SLC35F1: variants seen among roughly 807,000 people sequenced by gnomAD.
The protein encoded by SLC35F1 is solute carrier family 35 member F1.
In SLC35F1, 14 loss-of-function variants were observed where a neutral mutation model predicts 48.7. The ratio of observed to expected loss-of-function variants is 0.29; its 90% confidence interval spans 0.19 to 0.45. The LOEUF is 0.45. Among genes scored for constraint, SLC35F1 ranks in the 20% least tolerant of loss-of-function variants. SLC35F1 has a pLI of 1.00. For missense variants in SLC35F1, 404 were observed against 500.0 expected, an observed-to-expected ratio of 0.81 and a Z score of 1.83; for synonymous variants, 190 against 202.2, an observed-to-expected ratio of 0.94 and a Z score of 0.51.
intron 1 of SLC35F1, among the ~76,000 whole-genome samples, chr6:118,031,858 C>T (rs2114893653): frequency 6.6e-6 from 1 of 152,204 alleles, no homozygotes; most frequent in South Asian, 2.1e-4. Context: ...GGTGGTAACT[C>T]CCAGGTGTTG....
At chr6:118,006,680 C>A (rs1777178227) in intron 1 of SLC35F1, among the ~76,000 whole-genome samples, 3 of 152,000 alleles carry the variant, frequency 2.0e-5, no homozygotes, top group Admixed American at 1.3e-4. Context: ...GCTTTTAGAT[C>A]TTTCTATTCT....
At chr6:117,936,175 G>C (rs1776160179) in intron 1 of SLC35F1, among the ~76,000 whole-genome samples, 1 of 152,152 alleles carries the variant, frequency 6.6e-6, no homozygotes, top group Admixed American at 6.5e-5. Context: ...GGTGAGAGTT[G>C]GGATGTGCTG....
At chr6:118,067,199 T>TA (rs2114286880) in intron 1 of SLC35F1, among the ~76,000 whole-genome samples, 1 of 152,254 alleles carries the variant, frequency 6.6e-6, no homozygotes, top group Non-Finnish European at 1.5e-5. Context: ...GATAAGGTCA[T>TA]AAAATGAGAA....
At chr6:118,232,208 A>T (rs1185461707) in intron 2 of SLC35F1, among the ~76,000 whole-genome samples, 3 of 152,186 alleles carry the variant, frequency 2.0e-5, no homozygotes, top group Non-Finnish European at 4.4e-5. Context: ...TGTGTAATAG[A>T]GTGAAGAAAG....
chr6:118,201,858 CAT>C (rs1215602407), intron 2 of SLC35F1, among the ~76,000 whole-genome samples: 1 of 152,154 alleles, frequency 6.6e-6, no homozygotes, highest in African/African-American at 2.4e-5. Flanking sequence ...GAAATGAAAT[CAT>C]ATAATATGTG....
intron 1 of SLC35F1, among the ~76,000 whole-genome samples, chr6:118,071,977 G>A (rs1053423589): frequency 2.0e-5 from 3 of 151,920 alleles, no homozygotes; most frequent in Non-Finnish European, 2.9e-5. Context: ...CTTTAGCTCC[G>A]GAATATTTTT....
At chr6:117,939,413 A>C (rs1290362425) in intron 1 of SLC35F1, among the ~76,000 whole-genome samples, 1 of 152,192 alleles carries the variant, frequency 6.6e-6, no homozygotes, top group Non-Finnish European at 1.5e-5. Context: ...TTTTGCATTT[A>C]TTTATTTTCC....
At chr6:118,281,576 G>T (rs1216971637) in intron 6 of SLC35F1, among the ~76,000 whole-genome samples, 17 of 152,070 alleles carry the variant, frequency 1.1e-4, no homozygotes, top group Non-Finnish European at 2.4e-4. Flanking sequence ...CTCTGTTTGG[G>T]GTCAGATCTC....
intron 1 of SLC35F1, among the ~76,000 whole-genome samples, chr6:117,984,906 T>C (rs1479887704): frequency 6.6e-6 from 1 of 152,208 alleles, no homozygotes; most frequent in Non-Finnish European, 1.5e-5. Context: ...TAGTCCTTCA[T>C]CCTACACTAA....
chr6:118,071,225 T>C (rs1196707061), intron 1 of SLC35F1, among the ~76,000 whole-genome samples: 1 of 149,402 alleles, frequency 6.7e-6, no homozygotes, highest in Non-Finnish European at 1.5e-5. Flanking sequence ...TATGTGTATA[T>C]ATTTTTGAAA....
intron 1 of SLC35F1, among the ~76,000 whole-genome samples, chr6:117,997,599 A>G (rs925393689): frequency 7.9e-5 from 12 of 152,340 alleles, no homozygotes; most frequent in African/African-American, 2.6e-4. Context: ...TACAAGCCGG[A>G]AGAGAGTGGG....
Position 118,314,324 on chromosome 6 carries a change from T to TAG in SLC35F1, c.*76_*77dup. 4.5e-6 allele frequency: 6 copies of TAG among 1,336,354 alleles called. No individual in the cohort carries two copies. Among genetic ancestry groups the TAG allele is most frequent in the Non-Finnish European group, 5.3e-6 (5 of 942,212 alleles). 82.8% of individuals were successfully genotyped at this position (1,336,354 alleles called of 1,614,324 possible). ...TTGCCCATCATCTCTGTATTGTACA[T>TAG]AGAGAAAGGTATTTACTAGGTGCAG... On this transcript the variant is annotated 3_prime_UTR_variant, in exon 8 of 8. Transcript: ENST00000360388.
intron 2 of SLC35F1, among the ~76,000 whole-genome samples, chr6:118,191,443 T>C (rs1774732405): frequency 6.6e-6 from 1 of 152,200 alleles, no homozygotes; most frequent in African/African-American, 2.4e-5. Context: ...ATCTGTGATC[T>C]TGGGAAAAGC....
chr6:118,198,288 C>T (rs1317117373), intron 2 of SLC35F1, among the ~76,000 whole-genome samples: 1 of 152,170 alleles, frequency 6.6e-6, no homozygotes, highest in Non-Finnish European at 1.5e-5. Context: ...CTCTTTAATA[C>T]TGCTTACTTC....
intron 1 of SLC35F1, among the ~76,000 whole-genome samples, chr6:117,937,278 C>T (rs780615388): frequency 2.0e-5 from 3 of 152,162 alleles, no homozygotes; most frequent in Non-Finnish European, 2.9e-5. Flanking sequence ...TGTACTCATA[C>T]ACATAAGAAT....
chr6:117,988,152 G>A (rs955848244), intron 1 of SLC35F1, among the ~76,000 whole-genome samples: 1 of 152,088 alleles, frequency 6.6e-6, no homozygotes, highest in Non-Finnish European at 1.5e-5. Context: ...ACTGAGTTTC[G>A]AGCCCCAGCA....
intron 2 of SLC35F1, among the ~76,000 whole-genome samples, chr6:118,188,975 A>G (rs1445568857): frequency 1.3e-5 from 2 of 152,126 alleles, no homozygotes. Context: ...GCAGTGGTGC[A>G]GTCATGGCTG....
At chr6:117,993,674 A>G (rs1776949226) in intron 1 of SLC35F1, among the ~76,000 whole-genome samples, 1 of 152,068 alleles carries the variant, frequency 6.6e-6, no homozygotes, top group South Asian at 2.1e-4. Context: ...GCCTGAAGAA[A>G]ACTCTAGAAA....
At chr6:118,191,667 G>T (rs1041024245) in intron 2 of SLC35F1, among the ~76,000 whole-genome samples, 1 of 152,074 alleles carries the variant, frequency 6.6e-6, no homozygotes, top group Non-Finnish European at 1.5e-5. Flanking sequence ...ATTGTAAAGG[G>T]GTTGAATGTC....
Sources: gnomAD v4.1 joint callset for allele counts (sites outside exome capture counted in the v4.1 genomes callset) on GRCh38, gnomAD v4.1.1 for gene constraint, MANE v1.5 for transcripts, NCBI Gene and HGNC (gene_info 2026-07-23, HGNC 2026-07-21) for gene names.